Variants in RP1L1 observed in about 807,000 individuals in gnomAD.
The protein encoded by RP1L1 is retinitis pigmentosa 1-like 1 protein.
Under a neutral mutation model 15.7 loss-of-function variants are expected in RP1L1, and 27 were observed. That is an observed-to-expected ratio of 1.72 (90% CI 1.27 to 2.38). The LOEUF (loss-of-function observed/expected upper bound fraction) is 2.38, where lower values mean the gene tolerates loss of function less well. Ranked by LOEUF, RP1L1 falls within the 30% of genes most tolerant of loss-of-function variation. The probability of loss-of-function intolerance (pLI) is 0.00; values close to 1 mark genes in which losing one functional copy is unlikely to be tolerated. For missense variants in RP1L1, 4,798 were observed against 3,075.9 expected, an observed-to-expected ratio of 1.56 and a Z score of -13.24; for synonymous variants, 1,813 against 1,276.7, an observed-to-expected ratio of 1.42 and a Z score of -8.96.
intron 3 of RP1L1, among the ~76,000 whole-genome samples, chr8:10,614,806 A>G (rs1797939537): frequency 6.6e-6 from 1 of 151,688 alleles, no homozygotes; most frequent in African/African-American, 2.4e-5. Flanking sequence ...GGATAGCATT[A>G]GGAGATATAC....
chr8:10,618,938 C>A lies in RP1L1; in HGVS notation c.610-2351G>T, dbSNP rs565676566. Among the ~76,000 whole-genome samples, 11 of 152,262 alleles carry A rather than the reference C, an allele frequency of 7.2e-5. No homozygotes were observed. In the East Asian group the frequency reaches 2.1e-3, roughly 29 times the overall value. ...CTGTAGTGCAGTGGCGCAACCTCCA[C>A]CTCTCAGGTTCAACCGCCACCTCCC... On this transcript the variant is annotated intron_variant, in intron 2 of 3. Coordinates refer to ENST00000382483, the MANE Select transcript of RP1L1 (RefSeq NM_178857.6).
At position 10,616,431 on chromosome 8, in the gene RP1L1, C is replaced by T; in HGVS notation, c.751+15G>A. On this transcript the variant is annotated intron_variant, in intron 3 of 3. Transcript: ENST00000382483. ...CAGTGCAAATCAGATGGGGGAAACC[C>T]AAAAACCAACTCACCGTTTTTGTTT... The T allele has an allele frequency of 6.2e-7, 1 of 1,614,164 alleles. No individual in the cohort carries two copies. Among genetic ancestry groups the T allele is most frequent in the African/African-American group, 1.3e-5 (1 of 75,054 alleles).
At position 10,612,486 on chromosome 8, in the gene RP1L1, T is replaced by G; in HGVS notation, c.1612A>C (p.Ser538Arg). The G allele has an allele frequency of 1.2e-6, 2 of 1,612,580 alleles. No individual in the cohort carries two copies. The highest frequency in any genetic ancestry group is 1.6e-4 in the Middle Eastern group (1 of 6,062). The change falls in exon 4 of 4, where the codon AGC becomes CGC. Residue 538 changes from serine (S) to arginine (R), a missense_variant. Coordinates refer to ENST00000382483, the MANE Select transcript of RP1L1 (RefSeq NM_178857.6). ...EEGASSDSSA[S>R]TGSHEGSSEW... ...CTGGATCCCTCATGAGAGCCGGTGC[T>G]GGCTGACGAGTCCGAAGAAGCCCCC...
At chr8:10,626,613 A>G (rs1798161621) in intron 1 of RP1L1, among the ~76,000 whole-genome samples, 1 of 152,128 alleles carries the variant, frequency 6.6e-6, no homozygotes, top group South Asian at 2.1e-4. Context: ...TATTTTACAA[A>G]CCATTTAAGA....
At chr8:10,652,457 A>C (rs992595683) in intron 1 of RP1L1, among the ~76,000 whole-genome samples, 1 of 152,148 alleles carries the variant, frequency 6.6e-6, no homozygotes, top group Non-Finnish European at 1.5e-5. Context: ...ACACTTGACG[A>C]ATGCGATGTC....
rs1212557316 is a variant in RP1L1, at chr8:10,609,829, T to C, written c.4269A>G (p.Glu1423=). The C allele has an allele frequency of 6.2e-7, 1 of 1,614,146 alleles. No individual in the cohort carries two copies. Among genetic ancestry groups the C allele is most frequent in the Non-Finnish European group, 8.5e-7 (1 of 1,180,024 alleles). ...ASSPDGKGSQ[E]DDPVQEEEAG... is the part of the protein sequence containing the mutation. ...CTTCCTCCTCCTGGACTGGGTCATC[T>C]TCCTGGGAGCCTTTCCCATCCGGAG... The change falls in exon 4 of 4, where the codon GAA becomes GAG. Residue 1423 remains glutamate, a synonymous_variant. Transcript: ENST00000382483.
intron 1 of RP1L1, among the ~76,000 whole-genome samples, chr8:10,631,361 AAACAC>A (rs1798246090): frequency 2.8e-5 from 1 of 36,294 alleles, no homozygotes; most frequent in African/African-American, 1.1e-4. Flanking sequence ...ACATGCACAC[AAACAC>A]ACATGCACAC....
chr8:10,629,197 CAT>C (rs1409653570), intron 1 of RP1L1, among the ~76,000 whole-genome samples: 1 of 152,188 alleles, frequency 6.6e-6, no homozygotes, highest in Non-Finnish European at 1.5e-5. Flanking sequence ...ATGGAGGAAA[CAT>C]ATAAACAGCC....
At chr8:10,626,549 T>C (rs1333529774) in intron 1 of RP1L1, among the ~76,000 whole-genome samples, 1 of 152,138 alleles carries the variant, frequency 6.6e-6, no homozygotes, top group Non-Finnish European at 1.5e-5. Context: ...AGGCAGCCGT[T>C]TTCAGCACCA....
At chr8:10,649,309 T>G (rs1798524855) in intron 1 of RP1L1, among the ~76,000 whole-genome samples, 1 of 152,204 alleles carries the variant, frequency 6.6e-6, no homozygotes, top group Non-Finnish European at 1.5e-5. Flanking sequence ...CAGGCATGTG[T>G]CGGGAGCCTA....
chr8:10,635,391 C>T (rs745344295), intron 1 of RP1L1, among the ~76,000 whole-genome samples: 1 of 152,242 alleles, frequency 6.6e-6, no homozygotes, highest in Non-Finnish European at 1.5e-5. Flanking sequence ...TTATTCCCAG[C>T]GCACGCCAGA....
In RP1L1 at chr8:10,610,315, G is replaced by C. The variant is rs778774128; in HGVS notation, c.3783C>G (p.Phe1261Leu). The C allele has an allele frequency of 6.2e-7, 1 of 1,614,232 alleles. No homozygotes were observed. Among genetic ancestry groups the C allele is most frequent in the East Asian group, 2.2e-5 (1 of 44,886 alleles). ...ENQQQCCFPT[F>L]LNARACACAT... ...CACAAGCGCAGGCTCGGGCGTTCAA[G>C]AAGGTTGGGAAACAACACTGCTGTT... Residue 1261 changes from phenylalanine (F) to leucine (L), a missense_variant, in exon 4 of 4, where the codon TTC (phenylalanine) becomes TTG (leucine). Physicochemically the swap from Phe to Leu is conservative, Grantham distance 22. Coordinates refer to ENST00000382483, the MANE Select transcript of RP1L1 (RefSeq NM_178857.6).
At chr8:10,628,667 T>C (rs1798194932) in intron 1 of RP1L1, among the ~76,000 whole-genome samples, 1 of 152,212 alleles carries the variant, frequency 6.6e-6, no homozygotes, top group Non-Finnish European at 1.5e-5. Flanking sequence ...ATAGACTTTC[T>C]TGTCCAAACT....
chr8:10,638,034 A>C (rs1397188729), intron 1 of RP1L1, among the ~76,000 whole-genome samples: 1 of 152,246 alleles, frequency 6.6e-6, no homozygotes, highest in Non-Finnish European at 1.5e-5. Context: ...AGACCAGAGC[A>C]GCTCAGGAGG....
chr8:10,650,665 T>C (rs1377040786), intron 1 of RP1L1, among the ~76,000 whole-genome samples: 5 of 151,936 alleles, frequency 3.3e-5, no homozygotes, highest in Non-Finnish European at 7.4e-5. Context: ...TTCAAGTGAT[T>C]CTTCTTCTGC....
chr8:10,618,759 G>C (rs1798012285), intron 2 of RP1L1, among the ~76,000 whole-genome samples: 1 of 152,158 alleles, frequency 6.6e-6, no homozygotes, highest in South Asian at 2.1e-4. Flanking sequence ...TTTGTGTAGT[G>C]AATGCTATGC....
intron 1 of RP1L1, among the ~76,000 whole-genome samples, chr8:10,641,752 T>A (rs1798411062): frequency 6.6e-6 from 1 of 152,182 alleles, no homozygotes; most frequent in Non-Finnish European, 1.5e-5. Context: ...CTGGAAATAC[T>A]CAGATGTCCT....
intron 3 of RP1L1, among the ~76,000 whole-genome samples, chr8:10,614,330 G>C (rs969865033): frequency 2.6e-5 from 4 of 152,184 alleles, no homozygotes; most frequent in African/African-American, 9.7e-5. Flanking sequence ...ATGAAGAAGA[G>C]AAGAAAGGGC....
At position 10,609,876 on chromosome 8, in the gene RP1L1, G is replaced by A; in HGVS notation, c.4222C>T (p.Gln1408Ter). The A allele has an allele frequency of 6.3e-7, 1 of 1,596,312 alleles. No individual in the cohort carries two copies. The highest frequency in any genetic ancestry group is 8.6e-7 in the Non-Finnish European group (1 of 1,167,552). Residue 1408 changes from glutamine (Q) to a stop codon, truncating the protein, a stop_gained, in exon 4 of 4, where the codon CAG (glutamine) becomes TAG (stop). Coordinates refer to ENST00000382483, the MANE Select transcript of RP1L1 (RefSeq NM_178857.6). LOFTEE classifies it low-confidence loss of function (END_TRUNC). Reference sequence around the variant, plus strand: ...GGAGAGCTGGCCTCTGACAATTCCTGCCCGTGGACGCTTCCTTCTTCTGGA... The same window carrying A: ...GGAGAGCTGGCCTCTGACAATTCCTACCCGTGGACGCTTCCTTCTTCTGGA... ...GLPEEGSVHG[Q>*]ELSEASSPDG... is the part of the protein sequence containing the mutation.
Sources: gnomAD v4.1 joint callset for allele counts (sites outside exome capture counted in the v4.1 genomes callset) on GRCh38, gnomAD v4.1.1 for gene constraint, MANE v1.5 for transcripts, NCBI Gene and HGNC (gene_info 2026-07-23, HGNC 2026-07-21) for gene names.